Variants in L3MBTL4 observed in about 807,000 individuals in gnomAD.
The protein encoded by L3MBTL4 is L3MBTL histone methyl-lysine binding protein 4, also known as lethal(3)malignant brain tumor-like protein 4.
Under a neutral mutation model 84.5 loss-of-function variants are expected in L3MBTL4, and 70 were observed. That is an observed-to-expected ratio of 0.83 (90% CI 0.68 to 1.01). L3MBTL4 has a LOEUF of 1.01. L3MBTL4 is among the 50% of genes least tolerant of loss of function. The pLI is 0.00. For missense variants in L3MBTL4, 715 were observed against 754.8 expected (o/e 0.95, Z 0.62); for synonymous variants, 274 against 259.8 (o/e 1.05, Z -0.52).
chr18:6,076,610 A>G (rs1268386658), intron 16 of L3MBTL4, among the ~76,000 whole-genome samples: 3 of 152,192 alleles, frequency 2.0e-5, no homozygotes, highest in Non-Finnish European at 2.9e-5. Context: ...TAACCACAAT[A>G]TATCAATAAG....
intron 16 of L3MBTL4, among the ~76,000 whole-genome samples, chr18:6,009,194 T>C (rs1355963171): frequency 1.3e-5 from 2 of 152,200 alleles, no homozygotes; most frequent in African/African-American, 4.8e-5. Flanking sequence ...AAGAGGTCTA[T>C]GGCAACCTAA....
At chr18:6,021,445 T>G (rs1275496694) in intron 16 of L3MBTL4, among the ~76,000 whole-genome samples, 1 of 152,198 alleles carries the variant, frequency 6.6e-6, no homozygotes, top group Non-Finnish European at 1.5e-5. Flanking sequence ...AAAAATAGAC[T>G]GAAGGTGACA....
chr18:6,233,457 G>A (rs2047082360), intron 10 of L3MBTL4, among the ~76,000 whole-genome samples: 1 of 149,822 alleles, frequency 6.7e-6, no homozygotes, highest in Non-Finnish European at 1.5e-5. Context: ...AAGCTGACAA[G>A]CAACTTCAGC....
intron 16 of L3MBTL4, among the ~76,000 whole-genome samples, chr18:6,044,304 G>C (rs9952075): frequency 6.6e-6 from 1 of 152,164 alleles, no homozygotes; most frequent in Non-Finnish European, 1.5e-5. Context: ...GTGAAAACAC[G>C]TCGATGATTC....
intron 16 of L3MBTL4, chr18:6,031,772 C>G: frequency 1.0e-6 from 1 of 984,582 alleles, no homozygotes; most frequent in Non-Finnish European, 1.2e-6. Flanking sequence ...GTGTGCCTAT[C>G]TGCAGTCATC....
intron 1 of L3MBTL4, among the ~76,000 whole-genome samples, chr18:6,339,251 G>C (rs2052492103): frequency 6.6e-6 from 1 of 151,964 alleles, no homozygotes; most frequent in Non-Finnish European, 1.5e-5. Context: ...ATGTATGCTG[G>C]GTCATAAAGC....
intron 10 of L3MBTL4, among the ~76,000 whole-genome samples, chr18:6,226,263 G>A (rs1477718099): frequency 6.6e-6 from 1 of 151,932 alleles, no homozygotes; most frequent in Non-Finnish European, 1.5e-5. Flanking sequence ...AAAAATAGCT[G>A]AGTGTCATGG....
intron 1 of L3MBTL4, among the ~76,000 whole-genome samples, chr18:6,353,704 T>G (rs2053307179): frequency 6.6e-6 from 1 of 151,876 alleles, no homozygotes; most frequent in Non-Finnish European, 1.5e-5. Flanking sequence ...AGAAATAAAA[T>G]TAAATACCTA....
At chr18:6,165,180 G>A (rs1762335527) in intron 13 of L3MBTL4, among the ~76,000 whole-genome samples, 2 of 152,328 alleles carry the variant, frequency 1.3e-5, no homozygotes, top group South Asian at 4.1e-4. Flanking sequence ...ATGGGACTAT[G>A]TGAAAAGACC....
intron 5 of L3MBTL4, among the ~76,000 whole-genome samples, chr18:6,262,990 T>A (rs568887090): frequency 1.3e-5 from 2 of 152,178 alleles, no homozygotes; most frequent in East Asian, 3.9e-4. Context: ...TGTAAAGAAA[T>A]GGGCTGGGCA....
intron 12 of L3MBTL4, among the ~76,000 whole-genome samples, chr18:6,179,421 T>C (rs76301689): frequency 6.6e-6 from 1 of 152,220 alleles, no homozygotes; most frequent in African/African-American, 2.4e-5. Context: ...TGCTCATAAC[T>C]ATTGGTGCTA....
chr18:6,365,468 A>G (rs2053894767), intron 1 of L3MBTL4, among the ~76,000 whole-genome samples: 1 of 152,222 alleles, frequency 6.6e-6, no homozygotes, highest in Non-Finnish European at 1.5e-5. Flanking sequence ...AGAAGAAATA[A>G]ATGGAAGATT....
chr18:6,179,664 G>GT (rs2044379587), intron 12 of L3MBTL4, among the ~76,000 whole-genome samples: 2 of 152,204 alleles, frequency 1.3e-5, no homozygotes, highest in African/African-American at 4.8e-5. Context: ...GTTGTAATGT[G>GT]TGTGTGTGGA....
intron 5 of L3MBTL4, among the ~76,000 whole-genome samples, chr18:6,245,624 C>T (rs1162400843): frequency 1.4e-5 from 2 of 146,758 alleles, no homozygotes; most frequent in African/African-American, 5.1e-5. Flanking sequence ...AGGTCTCACT[C>T]TGTCACCCAG....
At chr18:6,324,718 T>G (rs1413677758) in intron 1 of L3MBTL4, among the ~76,000 whole-genome samples, 3 of 151,720 alleles carry the variant, frequency 2.0e-5, no homozygotes, top group Non-Finnish European at 4.4e-5. Context: ...ATGAAGCCTT[T>G]TATAAAACCA....
At chr18:6,009,803 C>T (rs569097416) in intron 16 of L3MBTL4, among the ~76,000 whole-genome samples, 4 of 152,298 alleles carry the variant, frequency 2.6e-5, no homozygotes, top group South Asian at 2.1e-4. Flanking sequence ...AGGACACAAA[C>T]GGCTTCCTGT....
chr18:6,101,348 G>A (rs915377048), intron 14 of L3MBTL4, among the ~76,000 whole-genome samples: 2 of 152,134 alleles, frequency 1.3e-5, no homozygotes, highest in Admixed American at 6.5e-5. Context: ...TTTGCTTGAT[G>A]TATAATGTCC....
chr18:5,973,807 C>G (rs2052768624), intron 16 of L3MBTL4, among the ~76,000 whole-genome samples: 1 of 152,190 alleles, frequency 6.6e-6, no homozygotes, highest in Admixed American at 6.5e-5. Flanking sequence ...CTGTTTCCAC[C>G]TAACACAGCT....
intron 18 of L3MBTL4, among the ~76,000 whole-genome samples, chr18:5,958,190 GA>G (rs1425003363): frequency 6.6e-6 from 1 of 151,766 alleles, no homozygotes; most frequent in Non-Finnish European, 1.5e-5. Context: ...CGAAGAAGAA[GA>G]GGAAGAAAAA....
Sources: allele counts gnomAD v4.1 joint callset (sites outside exome capture counted in the v4.1 genomes callset), GRCh38; gene constraint gnomAD v4.1.1; transcripts MANE v1.5; gene names NCBI Gene and HGNC (gene_info 2026-07-23, HGNC 2026-07-21).